Variants in SEM1 observed in about 807,000 individuals in gnomAD.
The protein encoded by SEM1 is SEM1 26S proteasome subunit, also known as 26S proteasome complex subunit SEM1.
In SEM1, 3 loss-of-function variants were observed where a neutral mutation model predicts 12.7. The ratio of observed to expected loss-of-function variants is 0.24; its 90% CI spans 0.11 to 0.61. The LOEUF (loss-of-function observed/expected upper bound fraction) is 0.61, where lower values mean the gene tolerates loss of function less well. SEM1 is among the 20% of genes least tolerant of loss of function. The probability of loss-of-function intolerance (pLI) is 0.88; values close to 1 mark genes in which losing one functional copy is unlikely to be tolerated. For missense variants in SEM1, 59 were observed against 81.3 expected, an observed-to-expected ratio of 0.73 and a Z score of 1.06; for synonymous variants, 30 against 27.8, an observed-to-expected ratio of 1.08 and a Z score of -0.25.
At chr7:96,630,397 C>T (rs1322673980) in intron 2 of SEM1, among the ~76,000 whole-genome samples, 1 of 152,188 alleles carries the variant, frequency 6.6e-6, no homozygotes, top group Non-Finnish European at 1.5e-5. Context: ...AGGAGCCTCA[C>T]CCTGTGGCCA....
intron 2 of SEM1, among the ~76,000 whole-genome samples, chr7:96,607,303 T>A (rs79138379): frequency 0.044 from 6,631 of 152,304 alleles, 188 homozygotes; most frequent in Admixed American, 0.086. Context: ...AGTTTCATGA[T>A]TTGAGTTAGT....
chr7:96,666,363 G>A (rs949995485), intron 2 of SEM1, among the ~76,000 whole-genome samples: 1 of 152,092 alleles, frequency 6.6e-6, no homozygotes, highest in Non-Finnish European at 1.5e-5. Flanking sequence ...ATATATTACT[G>A]TGACTTTGGG....
chr7:96,693,655 T>C (rs1789995566), intron 2 of SEM1, among the ~76,000 whole-genome samples: 1 of 151,934 alleles, frequency 6.6e-6, no homozygotes, highest in South Asian at 2.1e-4. Flanking sequence ...ACCCTGCTAG[T>C]ACGAACGCTA....
chr7:96,554,910 C>T (rs1038467060), intron 2 of SEM1, among the ~76,000 whole-genome samples: 10 of 137,178 alleles, frequency 7.3e-5, no homozygotes, highest in African/African-American at 2.3e-4. Flanking sequence ...TCAACTTTTT[C>T]CTGGTTTAGT....
At chr7:96,493,656 T>A (rs1803119518) in intron 1 of SEM1, among the ~76,000 whole-genome samples, 1 of 152,172 alleles carries the variant, frequency 6.6e-6, no homozygotes, top group African/African-American at 2.4e-5. Flanking sequence ...TCCTTCATCA[T>A]GTCACTCCCC....
At chr7:96,529,569 T>C (rs1804577825) in intron 2 of SEM1, among the ~76,000 whole-genome samples, 1 of 152,086 alleles carries the variant, frequency 6.6e-6, no homozygotes. Context: ...GCAAAAATTT[T>C]TGCATTAGGA....
intron 1 of SEM1, among the ~76,000 whole-genome samples, chr7:96,705,888 G>C (rs1790441418): frequency 6.6e-6 from 1 of 151,830 alleles, no homozygotes; most frequent in African/African-American, 2.4e-5. Context: ...CCACCAACCT[G>C]ACCGTATGAT....
intron 1 of SEM1, among the ~76,000 whole-genome samples, chr7:96,703,306 G>T (rs374075916): frequency 9.9e-5 from 15 of 152,174 alleles, no homozygotes; most frequent in African/African-American, 3.6e-4. Flanking sequence ...TCCTGATTTT[G>T]ATGGTTGTCT....
chr7:96,606,826 C>T lies in SEM1; in HGVS notation c.170+87972G>A, dbSNP rs547400833. Among the ~76,000 whole-genome samples the T allele has an allele frequency of 1.2e-4, 19 of 152,292 alleles. No individual in the cohort carries two copies. The East Asian group carries it at 3.5e-3, about 28-fold the overall frequency. On this transcript the variant is annotated intron_variant and NMD_transcript_variant, in intron 2 of 3. Coordinates refer to the SEM1 transcript ENST00000466986. Reference sequence around the variant, plus strand: ...CGTAATGTGTTATTATATCATCTTACATCAGTCTGCATGGAGCTTATTTGC... The same window carrying T: ...CGTAATGTGTTATTATATCATCTTATATCAGTCTGCATGGAGCTTATTTGC...
intron 2 of SEM1, among the ~76,000 whole-genome samples, chr7:96,682,776 G>C (rs960294063): frequency 6.6e-6 from 1 of 151,840 alleles, no homozygotes; most frequent in Admixed American, 6.6e-5. Context: ...CTGTCCATCT[G>C]ACAAAGGATA....
upstream of SEM1, among the ~76,000 whole-genome samples, chr7:96,499,681 A>G (rs1199098998): frequency 6.6e-6 from 1 of 152,200 alleles, no homozygotes; most frequent in Non-Finnish European, 1.5e-5. Flanking sequence ...TTTTTGTTCC[A>G]ACTCCACCAC....
At chr7:96,560,700 A>T in intron 2 of SEM1, among the ~76,000 whole-genome samples, 1 of 149,492 alleles carries the variant, frequency 6.7e-6, no homozygotes, top group Non-Finnish European at 1.5e-5. Context: ...TTCTGTCTCA[A>T]GTTTTTTTTT....
At chr7:96,556,024 T>C (rs1027229519) in intron 2 of SEM1, among the ~76,000 whole-genome samples, 62 of 150,528 alleles carry the variant, frequency 4.1e-4, no homozygotes, top group African/African-American at 1.4e-3. Context: ...CCTGCCTTTT[T>C]TTGTTTTCCA....
intron 1 of SEM1, among the ~76,000 whole-genome samples, chr7:96,487,570 C>T (rs1802825666): frequency 6.7e-6 from 1 of 150,084 alleles, no homozygotes; most frequent in Non-Finnish European, 1.5e-5. Context: ...TCATTTGAGC[C>T]TTACGACTAT....
chr7:96,603,634 T>C (rs1221846332), intron 2 of SEM1, among the ~76,000 whole-genome samples: 6 of 152,200 alleles, frequency 3.9e-5, no homozygotes, highest in Non-Finnish European at 8.8e-5. Flanking sequence ...GTTTTTATTT[T>C]GTTTGCTATT....
At chr7:96,558,156 C>T (rs1164864116) in intron 2 of SEM1, 1 of 153,386 alleles carries the variant, frequency 6.5e-6, no homozygotes, top group Non-Finnish European at 1.5e-5. Context: ...TTCTGCGTCG[C>T]TCACGCTGGG....
chr7:96,559,988 C>T (rs1309814939), intron 2 of SEM1, among the ~76,000 whole-genome samples: 7 of 152,066 alleles, frequency 4.6e-5, no homozygotes, highest in African/African-American at 1.4e-4. Context: ...TAGAAAAACC[C>T]AAAAAACTTT....
chr7:96,607,150 G>T (rs971495693), intron 2 of SEM1, among the ~76,000 whole-genome samples: 2 of 152,132 alleles, frequency 1.3e-5, no homozygotes, highest in Non-Finnish European at 2.9e-5. Flanking sequence ...TAGGTGCTGA[G>T]GATACCTTGG....
intron 2 of SEM1, among the ~76,000 whole-genome samples, chr7:96,602,990 G>A (rs1048955785): frequency 6.6e-6 from 1 of 152,152 alleles, no homozygotes. Context: ...GAGGTCCCAG[G>A]CATCAATCAT....
Sources: gnomAD v4.1 joint callset for allele counts (sites outside exome capture counted in the v4.1 genomes callset) on GRCh38, gnomAD v4.1.1 for gene constraint, MANE v1.5 for transcripts, NCBI Gene and HGNC (gene_info 2026-07-23, HGNC 2026-07-21) for gene names.